Variants in CCDC62 observed in about 807,000 individuals in gnomAD.
The protein encoded by CCDC62 is coiled-coil domain-containing protein 62.
In CCDC62, 72 loss-of-function variants were observed where a neutral mutation model predicts 80.8. The ratio of observed to expected loss-of-function variants is 0.89; its 90% CI spans 0.74 to 1.08. CCDC62 has a LOEUF of 1.08. Among genes scored for constraint, CCDC62 ranks in the 50% least tolerant of loss-of-function variants. CCDC62 has a pLI of 0.00. For missense variants in CCDC62, 704 were observed against 809.4 expected, an observed-to-expected ratio of 0.87 and a Z score of 1.58; for synonymous variants, 286 against 296.5, an observed-to-expected ratio of 0.96 and a Z score of 0.36.
intron 10 of CCDC62, among the ~76,000 whole-genome samples, chr12:122,806,988 G>A (rs953487634): frequency 3.9e-5 from 6 of 152,118 alleles, no homozygotes; most frequent in African/African-American, 1.4e-4. Context: ...AGACCCAGGT[G>A]ACACGTTGGT....
chr12:122,778,315 C>G (rs1879608406), intron 2 of CCDC62, among the ~76,000 whole-genome samples: 1 of 149,604 alleles, frequency 6.7e-6, no homozygotes, highest in Non-Finnish European at 1.5e-5. Context: ...GATTGCGCCA[C>G]TGCACTCCAG....
chr12:122,774,677 C>A lies in CCDC62; in HGVS notation c.7C>A (p.Pro3Thr). The A allele has an allele frequency of 8.0e-7, 1 of 1,254,892 alleles. No homozygotes were observed. The highest frequency in any genetic ancestry group is 3.1e-5 in the East Asian group (1 of 32,318). The allele number at this position is 1,254,892 out of a possible 1,614,324, so 77.7% of individuals were successfully genotyped here. ...GGGGGCGGAGGAAACACCTATGAAC[C>A]CTCCGGCAGCCTTCCTTGCCGGGCG... Reference protein sequence around the residue: MNPPAAFLAGRQN... With the variant: MNTPAAFLAGRQN... Residue 3 changes from proline to threonine, a missense_variant, in exon 1 of 13, where the codon CCT becomes ACT. Coordinates refer to ENST00000253079, the MANE Select transcript of CCDC62 (RefSeq NM_201435.5).
rs527429120 is a variant in CCDC62, at chr12:122,805,539, G to A, written c.1707-612G>A. Among the ~76,000 whole-genome samples, 208 of 127,850 alleles carry A rather than the reference G, an allele frequency of 1.6e-3. 1 individual carries two copies. The highest frequency in any genetic ancestry group is 5.9e-3 in the African/African-American group (199 of 33,504). The allele number at this position is 127,850 out of a possible 152,430, so 83.9% of individuals were successfully genotyped here. ...TTTTTTTTTTTTTTTTTTTGAGGCG[G>A]AGTCTTGCTCTGTCGCCCAGGCTGG... On this transcript the variant is annotated intron_variant, in intron 9 of 12. Transcript: ENST00000253079.
chr12:122,791,846 C>T (rs1048980124), intron 5 of CCDC62, among the ~76,000 whole-genome samples, 174 bp from the exon 6 acceptor site: 1 of 152,184 alleles, frequency 6.6e-6, no homozygotes, highest in Non-Finnish European at 1.5e-5. Context: ...CAAGCGAAGC[C>T]TCCAACCAGG....
At chr12:122,782,718 A>G (rs1376830351) in intron 3 of CCDC62, among the ~76,000 whole-genome samples, 2 of 151,726 alleles carry the variant, frequency 1.3e-5, no homozygotes, top group South Asian at 2.1e-4. Context: ...TCAGCCTCCC[A>G]AAGTGCTGGG....
Position 122,804,322 on chromosome 12 carries a change from A to G in CCDC62, c.1707-1829A>G, listed in dbSNP as rs181303876. 5.9e-5 allele frequency among the ~76,000 whole-genome samples: 9 copies of G among 152,260 alleles called. No individual in the cohort carries two copies. The East Asian group carries it at 1.5e-3, about 26-fold the overall frequency. The stretch of plus-strand genomic sequence containing the variant: ...GCCAACATGGTGAAACCCTATCTCT[A>G]CTAAAAATACAAAAATGAGCCGGAC... On this transcript the variant is annotated intron_variant, in intron 9 of 12. Transcript: ENST00000253079.
At chr12:122,803,382 C>T (rs1179548754) in intron 9 of CCDC62, among the ~76,000 whole-genome samples, 1 of 151,934 alleles carries the variant, frequency 6.6e-6, no homozygotes, top group Non-Finnish European at 1.5e-5. Context: ...GCATATGCTG[C>T]CTTATTCAGG....
intron 9 of CCDC62, among the ~76,000 whole-genome samples, chr12:122,803,379 C>T (rs2031413450): frequency 6.6e-6 from 1 of 152,108 alleles, no homozygotes; most frequent in African/African-American, 2.4e-5. Context: ...AAGGCATATG[C>T]TGCCTTATTC....
At chr12:122,816,845 GCTAT>G (rs1486612090) in intron 11 of CCDC62, among the ~76,000 whole-genome samples, 2 of 151,808 alleles carry the variant, frequency 1.3e-5, no homozygotes, top group Non-Finnish European at 2.9e-5. Flanking sequence ...AGCCACTACC[GCTAT>G]CTAATTCTAG....
intron 10 of CCDC62, among the ~76,000 whole-genome samples, chr12:122,812,019 C>T (rs1456462765): frequency 6.6e-6 from 1 of 151,984 alleles, no homozygotes; most frequent in African/African-American, 2.4e-5. Flanking sequence ...TTTTGACATG[C>T]TAAATACAGC....
At chr12:122,780,336 G>A (rs1270520452) in intron 2 of CCDC62, among the ~76,000 whole-genome samples, 13 of 123,040 alleles carry the variant, frequency 1.1e-4, no homozygotes, top group South Asian at 2.6e-4. Flanking sequence ...AAAGAAGGCC[G>A]GGCATGGTGG....
At chr12:122,779,907 C>CAAAAA (rs35466260) in intron 2 of CCDC62, among the ~76,000 whole-genome samples, 1 of 63,528 alleles carries the variant, frequency 1.6e-5, no homozygotes, top group Admixed American at 2.6e-4. Flanking sequence ...GACTCTGTCT[C>CAAAAA]AAAAAAAAAA....
Position 122,823,419 on chromosome 12 carries a change from A to C in CCDC62, c.2055A>C (p.Ter685CysextTer28). The C allele has an allele frequency of 6.2e-7, 1 of 1,608,942 alleles. No individual in the cohort carries two copies. The highest frequency in any genetic ancestry group is 8.5e-7 in the Non-Finnish European group (1 of 1,175,312). ...AAAAAAATACCTTTGTCAGTTATTG[A>C]AGGAAACAAAAGGCAACTTCAGTAT... The part of the protein sequence containing the change: ...SAQKNTFVSY[*>C] The change falls in exon 12 of 13, where the codon TGA becomes TGC. Residue 685 changes from the stop codon to cysteine (C), a stop_lost. Coordinates refer to ENST00000253079, the MANE Select transcript of CCDC62 (RefSeq NM_201435.5).
At chr12:122,823,860 C>A (rs997392896) in intron 12 of CCDC62, among the ~76,000 whole-genome samples, 1 of 151,964 alleles carries the variant, frequency 6.6e-6, no homozygotes, top group Non-Finnish European at 1.5e-5. Flanking sequence ...GTAGTGGGCG[C>A]CTGTAATCCC....
At position 122,793,128 on chromosome 12, in the gene CCDC62, G is replaced by A. The variant is rs201821960; in HGVS notation, c.772+1007G>A. Among the ~76,000 whole-genome samples the A allele has an allele frequency of 1.8e-4, 27 of 152,230 alleles. No individual in the cohort carries two copies. In the East Asian group the frequency reaches 4.4e-3, roughly 25 times the overall value. ...CACTCGCATTAGCCTGCATTTGGAC[G>A]AAATCATCTCACACAAAGGCTGTTT... On this transcript the variant is annotated intron_variant, in intron 6 of 12. Coordinates refer to ENST00000253079, the MANE Select transcript of CCDC62 (RefSeq NM_201435.5).
At chr12:122,778,904 C>A (rs1428854078) in intron 2 of CCDC62, among the ~76,000 whole-genome samples, 35 of 151,862 alleles carry the variant, frequency 2.3e-4, no homozygotes, top group Admixed American at 2.3e-3. Flanking sequence ...AAACAAAAAA[C>A]CCAAATATAT....
intron 3 of CCDC62, among the ~76,000 whole-genome samples, chr12:122,785,373 T>C (rs557194249): frequency 6.6e-6 from 1 of 152,194 alleles, no homozygotes; most frequent in East Asian, 1.9e-4. Context: ...ATTCATTTTC[T>C]TGCCTCTTCC....
intron 4 of CCDC62, among the ~76,000 whole-genome samples, chr12:122,786,674 A>G (rs1292399039): frequency 6.6e-6 from 1 of 152,032 alleles, no homozygotes; most frequent in Non-Finnish European, 1.5e-5. Flanking sequence ...AAAATTAAAG[A>G]GAAAGGCCGG....
chr12:122,818,179 G>A (rs1401263805), intron 11 of CCDC62, among the ~76,000 whole-genome samples: 13 of 152,004 alleles, frequency 8.6e-5, no homozygotes, highest in African/African-American at 2.9e-4. Context: ...GTGGCCAGGC[G>A]CGGTGGCTCA....
Sources: gnomAD v4.1 joint callset for allele counts (sites outside exome capture counted in the v4.1 genomes callset) on GRCh38, gnomAD v4.1.1 for gene constraint, MANE v1.5 for transcripts, NCBI Gene and HGNC (gene_info 2026-07-23, HGNC 2026-07-21) for gene names.